The following CCDC85A variants were observed in gnomAD, a reference collection of about 807,000 sequenced individuals.
CCDC85A encodes coiled-coil domain-containing protein 85A.
CCDC85A carries 38 observed loss-of-function variants against 50.2 expected under a neutral mutation model. That is an observed-to-expected ratio of 0.76 (90% CI 0.58 to 0.99). The LOEUF (loss-of-function observed/expected upper bound fraction) is 0.99. CCDC85A is among the 50% of genes least tolerant of loss of function. CCDC85A has a pLI of 0.00. For synonymous variants in CCDC85A, 366 were observed against 301.4 expected (o/e 1.21, Z -2.22); for missense variants, 820 against 742.0 (o/e 1.11, Z -1.22).
At chr2:56,208,213 T>C (rs1004810959) in intron 2 of CCDC85A, among the ~76,000 whole-genome samples, 21 of 152,192 alleles carry the variant, frequency 1.4e-4, no homozygotes, top group African/African-American at 4.8e-4. Context: ...TGAGTTCTTA[T>C]AAGAATATGT....
At position 56,304,495 on chromosome 2, in the gene CCDC85A, A is replaced by T. The variant is rs529289374; in HGVS notation, c.1241-38384A>T. ...GTAGACTTAATTATGAGACTAAGTG[A>T]CTTTATTTGCATCTGTGCTGGTGGC... On this transcript the variant is annotated intron_variant, in intron 2 of 5. Transcript: ENST00000407595. Among the ~76,000 whole-genome samples, 499 of 152,294 alleles carry T rather than the reference A, an allele frequency of 3.3e-3. 2 individuals are homozygous for T. The highest frequency in any genetic ancestry group is 0.012 in the African/African-American group (483 of 41,566).
At chr2:56,320,093 G>T (rs1573247177) in intron 2 of CCDC85A, among the ~76,000 whole-genome samples, 3 of 152,184 alleles carry the variant, frequency 2.0e-5, no homozygotes, top group African/African-American at 7.2e-5. Context: ...AAACCAATGA[G>T]AACAAAGACA....
intron 2 of CCDC85A, among the ~76,000 whole-genome samples, chr2:56,228,394 TA>T (rs1429360777): frequency 2.0e-5 from 3 of 152,092 alleles, no homozygotes; most frequent in African/African-American, 4.8e-5. Flanking sequence ...TTATCAGGAT[TA>T]AATGAGACAA....
intron 2 of CCDC85A, among the ~76,000 whole-genome samples, chr2:56,209,770 CATTT>C (rs915785847): frequency 1.3e-5 from 2 of 151,888 alleles, no homozygotes; most frequent in African/African-American, 4.8e-5. Context: ...TTTCTTCATT[CATTT>C]ATTTATATAT....
At chr2:56,253,506 C>G (rs1669858873) in intron 2 of CCDC85A, among the ~76,000 whole-genome samples, 1 of 152,114 alleles carries the variant, frequency 6.6e-6, no homozygotes, top group African/African-American at 2.4e-5. Context: ...CAGGTTTCAT[C>G]TCATCCTAAA....
intron 2 of CCDC85A, among the ~76,000 whole-genome samples, chr2:56,239,815 G>C (rs969301): frequency 0.2 from 30,144 of 152,006 alleles, 3,145 homozygotes; most frequent in East Asian, 0.28. Context: ...TTTTGTTGGA[G>C]AGTTCCCTTG....
intron 2 of CCDC85A, among the ~76,000 whole-genome samples, chr2:56,293,246 G>C (rs1671797915): frequency 1.3e-5 from 2 of 152,306 alleles, no homozygotes; most frequent in Middle Eastern, 3.4e-3. Context: ...AGATAGGCCT[G>C]TAAAATCAGT....
chr2:56,356,651 G>A (rs1179618062), intron 3 of CCDC85A, among the ~76,000 whole-genome samples: 3 of 151,438 alleles, frequency 2.0e-5, no homozygotes, highest in Non-Finnish European at 2.9e-5. Context: ...CTTGAAACTG[G>A]GATGCAGAGG....
chr2:56,280,181 T>A (rs1671142342), intron 2 of CCDC85A, among the ~76,000 whole-genome samples: 1 of 152,198 alleles, frequency 6.6e-6, no homozygotes, highest in Non-Finnish European at 1.5e-5. Flanking sequence ...ATTTGATGGT[T>A]CATGCACTTG....
At chr2:56,240,418 C>T (rs935223729) in intron 2 of CCDC85A, among the ~76,000 whole-genome samples, 2 of 152,162 alleles carry the variant, frequency 1.3e-5, no homozygotes, top group Admixed American at 1.3e-4. Context: ...AGCCTGCTCT[C>T]ACTCTGTGGA....
chr2:56,359,722 A>T (rs1675428722), intron 3 of CCDC85A, among the ~76,000 whole-genome samples: 1 of 152,222 alleles, frequency 6.6e-6, no homozygotes, highest in Admixed American at 6.5e-5. Context: ...AAAAGGAGAA[A>T]CTTGCAGAAA....
intron 3 of CCDC85A, 28 bp downstream of exon 3, chr2:56,342,983 A>G (rs1234870456): frequency 6.9e-7 from 1 of 1,446,302 alleles, no homozygotes; most frequent in African/African-American, 1.4e-5. Context: ...GCTCATAGCT[A>G]GTCAGTGCCA....
chr2:56,281,859 T>C (rs1020106699), intron 2 of CCDC85A, among the ~76,000 whole-genome samples: 5 of 152,204 alleles, frequency 3.3e-5, no homozygotes, highest in Non-Finnish European at 7.4e-5. Flanking sequence ...TGAATAAGAA[T>C]GTTTTCTCTC....
intron 2 of CCDC85A, among the ~76,000 whole-genome samples, chr2:56,275,234 TG>T (rs1198255443): frequency 6.6e-6 from 1 of 151,924 alleles, no homozygotes. Context: ...TGGCCTTGAA[TG>T]AATGTATCCC....
chr2:56,201,097 C>T (rs1291861609), intron 2 of CCDC85A, among the ~76,000 whole-genome samples: 173 of 150,042 alleles, frequency 1.2e-3, no homozygotes, highest in African/African-American at 4.1e-3. Flanking sequence ...CACACACACA[C>T]ACACACACAC....
chr2:56,324,749 T>C (rs991275292), intron 2 of CCDC85A, among the ~76,000 whole-genome samples: 5 of 152,076 alleles, frequency 3.3e-5, no homozygotes, highest in African/African-American at 1.2e-4. Flanking sequence ...TTTACAGAGA[T>C]ATTTTTAACT....
At chr2:56,254,794 T>G (rs1669911532) in intron 2 of CCDC85A, among the ~76,000 whole-genome samples, 1 of 152,184 alleles carries the variant, frequency 6.6e-6, no homozygotes, top group South Asian at 2.1e-4. Flanking sequence ...GAAGTGATGA[T>G]TAAGTTGAAA....
intron 2 of CCDC85A, among the ~76,000 whole-genome samples, chr2:56,303,705 C>CT (rs900580167): frequency 2.8e-4 from 43 of 152,126 alleles, no homozygotes; most frequent in African/African-American, 9.6e-4. Flanking sequence ...CTACCAGATA[C>CT]TTTTTTTTAA....
intron 2 of CCDC85A, among the ~76,000 whole-genome samples, chr2:56,322,119 T>G (rs2104264346): frequency 6.6e-6 from 1 of 152,278 alleles, no homozygotes; most frequent in Admixed American, 6.5e-5. Context: ...GATCCCTTCC[T>G]TACACCTTAT....
Sources: gnomAD v4.1 joint callset for allele counts (sites outside exome capture counted in the v4.1 genomes callset) on GRCh38, gnomAD v4.1.1 for gene constraint, MANE v1.5 for transcripts, NCBI Gene and HGNC (gene_info 2026-07-23, HGNC 2026-07-21) for gene names.